The following CNNM2 variants were observed in gnomAD, a reference collection of about 807,000 sequenced individuals.
CNNM2 encodes cyclin and CBS domain divalent metal cation transport mediator 2.
CNNM2 carries 12 observed loss-of-function variants against 66.9 expected under a neutral mutation model. The observed-to-expected ratio is 0.18, with a 90% CI of 0.11 to 0.29. The LOEUF is 0.29. Ranked by LOEUF, CNNM2 falls within the 10% of genes least tolerant of loss-of-function variation. CNNM2 has a pLI of 1.00. For missense variants in CNNM2, 705 were observed against 1,167.7 expected, an observed-to-expected ratio of 0.60 and a Z score of 5.77; for synonymous variants, 557 against 501.8, an observed-to-expected ratio of 1.11 and a Z score of -1.47.
chr10:103,004,184 G>T (rs1222058983), intron 1 of CNNM2, among the ~76,000 whole-genome samples: 1 of 143,942 alleles, frequency 6.9e-6, no homozygotes, highest in Non-Finnish European at 1.5e-5. Flanking sequence ...TTTGTATTTA[G>T]TAGCAATGGG....
intron 1 of CNNM2, among the ~76,000 whole-genome samples, chr10:102,930,282 AATATAT>A (rs1457679565): frequency 6.6e-6 from 1 of 152,232 alleles, no homozygotes; most frequent in Non-Finnish European, 1.5e-5. Context: ...CATGCAAAAA[AATATAT>A]ATATGTATAC....
chr10:102,925,412 TC>T lies in CNNM2; in HGVS notation c.1621+5312del, dbSNP rs139574083. ...TGGGAAAGAGCTTTTGGAATCCATG[TC>T]GTTTACAGTTTCCCTGGGGTACTTC... On this transcript the variant is annotated intron_variant, in intron 1 of 7. Transcript: ENST00000369878. Among the ~76,000 whole-genome samples, 1,069 of 151,702 alleles carry T rather than the reference TC, an allele frequency of 7.0e-3. 13 individuals carry two copies. Among genetic ancestry groups the T allele is most frequent in the Middle Eastern group, 0.021 (6 of 292 alleles).
At position 102,953,157 on chromosome 10, in the gene CNNM2, T is replaced by A. The variant is rs888935322; in HGVS notation, c.1621+33056T>A. ...TGAAGAATTACAGGAAATAAAATTT[T>A]AAAAAATCAAAAGTGCTGGTTTCAG... is the stretch of plus-strand genomic sequence containing the variant. On this transcript the variant is annotated intron_variant, in intron 1 of 7. Transcript: ENST00000369878. 2.0e-5 allele frequency among the ~76,000 whole-genome samples: 3 copies of A among 152,322 alleles called. No homozygotes were observed. The South Asian group carries it at 6.2e-4, about 32-fold the overall frequency.
intron 1 of CNNM2, among the ~76,000 whole-genome samples, chr10:102,928,702 A>T (rs1038507215): frequency 6.6e-6 from 1 of 152,146 alleles, no homozygotes; most frequent in Non-Finnish European, 1.5e-5. Flanking sequence ...TAGCAGAGAA[A>T]TGGAAGGTGA....
intron 1 of CNNM2, among the ~76,000 whole-genome samples, chr10:103,039,216 T>C (rs1363074184): frequency 6.6e-6 from 1 of 152,118 alleles, no homozygotes; most frequent in Non-Finnish European, 1.5e-5. Flanking sequence ...TGATCTCAGC[T>C]CATTGCAGCC....
intron 1 of CNNM2, among the ~76,000 whole-genome samples, chr10:103,009,066 C>T (rs1031654695): frequency 1.3e-5 from 2 of 152,050 alleles, no homozygotes; most frequent in African/African-American, 2.4e-5. Context: ...GACCTGAGGT[C>T]AGGAGTTTGA....
chr10:103,007,973 G>A (rs573425404), intron 1 of CNNM2, among the ~76,000 whole-genome samples: 31 of 152,226 alleles, frequency 2.0e-4, no homozygotes, highest in Admixed American at 1.3e-3. Context: ...GGCTCCAGCC[G>A]GTCCCTCCGT....
intron 1 of CNNM2, among the ~76,000 whole-genome samples, chr10:102,986,454 A>G (rs1320360252): frequency 3.3e-5 from 5 of 152,172 alleles, no homozygotes; most frequent in Admixed American, 2.0e-4. Flanking sequence ...TTTCAGCTTA[A>G]TCAAAGTAGA....
intron 1 of CNNM2, among the ~76,000 whole-genome samples, chr10:103,047,953 C>T (rs1203695595): frequency 2.6e-5 from 4 of 152,114 alleles, no homozygotes; most frequent in Non-Finnish European, 5.9e-5. Context: ...GACAGAGTCT[C>T]ACTTGTTGCC....
intron 1 of CNNM2, among the ~76,000 whole-genome samples, chr10:103,041,214 G>T (rs2134317430): frequency 6.6e-6 from 1 of 152,064 alleles, no homozygotes; most frequent in East Asian, 1.9e-4. Flanking sequence ...TGTAGCTGTT[G>T]TCAACACCCT....
At chr10:102,983,778 T>A (rs2134233510) in intron 1 of CNNM2, among the ~76,000 whole-genome samples, 1 of 151,972 alleles carries the variant, frequency 6.6e-6, no homozygotes, top group South Asian at 2.1e-4. Flanking sequence ...GTAAATTTTT[T>A]TTTTTTTGAC....
rs1463213394 is a variant in CNNM2 at position 103,087,114 on chromosome 10, C to G, written c.*9934C>G. Reference sequence around the variant, plus strand: ...TTCTCAAAAGAAGTGGCAGAATGGTCTTCTCACGGTATAAAACTCCGCAGG... The same window carrying G: ...TTCTCAAAAGAAGTGGCAGAATGGTGTTCTCACGGTATAAAACTCCGCAGG... On this transcript the variant is annotated 3_prime_UTR_variant, in exon 8 of 8. Coordinates refer to ENST00000369878, the MANE Select transcript of CNNM2 (RefSeq NM_017649.5). 1 of 114,816 alleles carries G rather than the reference C, an allele frequency of 8.7e-6. No individual in the cohort carries two copies. The highest frequency in any genetic ancestry group is 3.6e-5 in the African/African-American group (1 of 28,160). 7.1% of individuals were successfully genotyped at this position (114,816 alleles called of 1,614,324 possible). A position where few individuals can be genotyped will look rare whatever the true frequency, so the allele number is the denominator to read the frequency against.
In CNNM2 at chr10:103,082,498, G is replaced by A. The variant is rs964426339; in HGVS notation, c.*5318G>A. Reference sequence around the variant, plus strand: ...AAGGTGAAGTTATCAATTTTTTCTTGTTTGAGTCCTTTAAACCCACAAATG... The same window carrying A: ...AAGGTGAAGTTATCAATTTTTTCTTATTTGAGTCCTTTAAACCCACAAATG... On this transcript the variant is annotated 3_prime_UTR_variant, in exon 8 of 8. Transcript: ENST00000369878. 2 of 152,056 alleles carry A rather than the reference G, an allele frequency of 1.3e-5. No individual in the cohort carries two copies. The highest frequency in any genetic ancestry group is 2.4e-5 in the African/African-American group (1 of 41,406). The allele number at this position is 152,056 out of a possible 1,614,324, so 9.4% of individuals were successfully genotyped here.
At position 103,089,981 on chromosome 10, in the gene CNNM2, T is replaced by TC. The variant is rs1203573423; in HGVS notation, c.*12803dup. The TC allele has an allele frequency of 1.8e-5, 22 of 1,252,874 alleles. 1 individual carries two copies. In the South Asian group the frequency reaches 3.0e-4, roughly 17 times the overall value. The allele number at this position is 1,252,874 out of a possible 1,614,324, so 77.6% of individuals were successfully genotyped here. A position where few individuals can be genotyped will look rare whatever the true frequency, so the allele number is the denominator to read the frequency against. On this transcript the variant is annotated 3_prime_UTR_variant, in exon 8 of 8. Coordinates refer to ENST00000369878, the MANE Select transcript of CNNM2 (RefSeq NM_017649.5). ...GCTACTCCCCAAATCCTAACCCCTCTCCTCTGTTAGGTGGCCATGCAATTA... is the reference window on the plus strand; with the variant it reads ...GCTACTCCCCAAATCCTAACCCCTCTCCCTCTGTTAGGTGGCCATGCAATTA...
At chr10:102,925,642 G>A (rs138545695) in intron 1 of CNNM2, among the ~76,000 whole-genome samples, 136 of 152,296 alleles carry the variant, frequency 8.9e-4, no homozygotes, top group African/African-American at 3.2e-3. Flanking sequence ...CTGGTCCCAA[G>A]TTATTCAGAG....
chr10:102,944,696 C>T (rs1322250087), intron 1 of CNNM2, among the ~76,000 whole-genome samples: 1 of 151,340 alleles, frequency 6.6e-6, no homozygotes, highest in African/African-American at 2.4e-5. Flanking sequence ...AACACTTCAG[C>T]ATGTATCTCT....
In CNNM2 at chr10:102,933,929, G is replaced by A. The variant is rs550858166; in HGVS notation, c.1621+13828G>A. Among the ~76,000 whole-genome samples, 4 of 152,122 alleles carry A rather than the reference G, an allele frequency of 2.6e-5. No individual in the cohort carries two copies. The South Asian group carries it at 8.3e-4, about 32-fold the overall frequency. On this transcript the variant is annotated intron_variant, in intron 1 of 7. Coordinates refer to ENST00000369878, the MANE Select transcript of CNNM2 (RefSeq NM_017649.5). ...AACTCACTGCAGCCTCAAACCCTGG[G>A]CACAAGCGATCCTTCCACCTCAGCC...
At chr10:102,984,747 C>T (rs1159771161) in intron 1 of CNNM2, among the ~76,000 whole-genome samples, 1 of 151,560 alleles carries the variant, frequency 6.6e-6, no homozygotes, top group Non-Finnish European at 1.5e-5. Context: ...GCAACCTCTG[C>T]CTCCCGGGTT....
intron 1 of CNNM2, among the ~76,000 whole-genome samples, chr10:102,996,677 C>G (rs914932753): frequency 1.3e-5 from 2 of 152,162 alleles, no homozygotes; most frequent in Non-Finnish European, 2.9e-5. Context: ...GAGCAAGACC[C>G]TGATTCAAAA....
Sources: gnomAD v4.1 joint callset for allele counts (sites outside exome capture counted in the v4.1 genomes callset) on GRCh38, gnomAD v4.1.1 for gene constraint, MANE v1.5 for transcripts, NCBI Gene and HGNC (gene_info 2026-07-23, HGNC 2026-07-21) for gene names.